The following RPL14 variants were observed in gnomAD, a reference collection of about 807,000 sequenced individuals.
The protein encoded by RPL14 is large ribosomal subunit protein eL14.
RPL14 carries 4 observed loss-of-function variants against 25.3 expected under a neutral mutation model. That is an observed-to-expected ratio of 0.16 (90% CI 0.08 to 0.36). RPL14 has a LOEUF of 0.36. Among genes scored for constraint, RPL14 ranks in the 10% least tolerant of loss-of-function variants. RPL14 has a pLI of 1.00. For missense variants in RPL14, 212 were observed against 261.9 expected, an observed-to-expected ratio of 0.81 and a Z score of 1.31; for synonymous variants, 75 against 89.8, an observed-to-expected ratio of 0.84 and a Z score of 0.93.
At chr3:40,458,098 C>G in intron 2 of RPL14, 107 bp downstream of exon 2, 1 of 926,908 alleles carries the variant, frequency 1.1e-6, no homozygotes, top group Non-Finnish European at 1.7e-6. Flanking sequence ...TATGGGTAGT[C>G]GCTTTATTTT....
In RPL14 at chr3:40,462,764, A is replaced by T. The variant is rs995841681; in HGVS notation, c.*532A>T. On this transcript the variant is annotated 3_prime_UTR_variant, in exon 6 of 6. Coordinates refer to ENST00000396203, the MANE Select transcript of RPL14 (RefSeq NM_001034996.3). Reference sequence around the variant, plus strand: ...CAGTCATAATTGATCATGTCATGAGAAATCATGATAACTTAGAACACCAAG... The same window carrying T: ...CAGTCATAATTGATCATGTCATGAGTAATCATGATAACTTAGAACACCAAG... 1.3e-5 allele frequency: 2 copies of T among 152,414 alleles called. No homozygotes were observed. Among genetic ancestry groups the T allele is most frequent in the Non-Finnish European group, 2.9e-5 (2 of 68,204 alleles). 9.4% of individuals were successfully genotyped at this position (152,414 alleles called of 1,614,324 possible).
rs149461206 is a variant in RPL14 at position 40,463,363 on chromosome 3, G to C, written c.*1131G>C. ...TGGGACTATAGGTGTGTGCCACCACGTCTGGCTAGTTTTTGTATTTTTAGT... is the reference window on the plus strand; with the variant it reads ...TGGGACTATAGGTGTGTGCCACCACCTCTGGCTAGTTTTTGTATTTTTAGT... On this transcript the variant is annotated 3_prime_UTR_variant, in exon 6 of 6. Transcript: ENST00000396203. 1 of 152,020 alleles carries C rather than the reference G, an allele frequency of 6.6e-6. No individual in the cohort carries two copies. The highest frequency in any genetic ancestry group is 1.5e-5 in the Non-Finnish European group (1 of 68,070). 9.4% of individuals were successfully genotyped at this position (152,020 alleles called of 1,614,324 possible). A position where few individuals can be genotyped will look rare whatever the true frequency, so the allele number is the denominator to read the frequency against.
At position 40,466,255 on chromosome 3, in the gene RPL14, G is replaced by C. The variant is rs1697026367; in HGVS notation, c.*4023G>C. On this transcript the variant is annotated 3_prime_UTR_variant, in exon 6 of 6. Coordinates refer to ENST00000396203, the MANE Select transcript of RPL14 (RefSeq NM_001034996.3). ...TCAGTCTGGTAGCATAGTGTGGATT[G>C]GGTTGGGGGATGGGGAAGGAGAGCA... The C allele has an allele frequency of 6.6e-6, 1 of 152,124 alleles. No homozygotes were observed. Among genetic ancestry groups the C allele is most frequent in the Admixed American group, 6.6e-5 (1 of 15,260 alleles). 9.4% of individuals were successfully genotyped at this position (152,124 alleles called of 1,614,324 possible).
At position 40,462,928 on chromosome 3, in the gene RPL14, TA is replaced by T. The variant is rs1575253116; in HGVS notation, c.*697del. On this transcript the variant is annotated 3_prime_UTR_variant, in exon 6 of 6. Coordinates refer to ENST00000396203, the MANE Select transcript of RPL14 (RefSeq NM_001034996.3). The stretch of plus-strand genomic sequence containing the variant: ...GTCTAGCAGATTTATTTTATTTATT[TA>T]TTTTTTTTTTTTGGAGACAGAGTCT... 1 of 151,630 alleles carries T rather than the reference TA, an allele frequency of 6.6e-6. No individual in the cohort carries two copies. Among genetic ancestry groups the T allele is most frequent in the South Asian group, 2.1e-4 (1 of 4,836 alleles). 9.4% of individuals were successfully genotyped at this position (151,630 alleles called of 1,614,324 possible). A position where few individuals can be genotyped will look rare whatever the true frequency, so the allele number is the denominator to read the frequency against.
chr3:40,458,359 G>A, intron 2 of RPL14: 2 of 522,552 alleles, frequency 3.8e-6, no homozygotes, highest in Middle Eastern at 5.2e-4. Context: ...AATCAGCAGG[G>A]ATCAGAGTCC....
chr3:40,459,085 T>C, intron 3 of RPL14: 1 of 269,480 alleles, frequency 3.7e-6, no homozygotes, highest in South Asian at 3.6e-5. Flanking sequence ...GCCTTGGGGG[T>C]GCTGAGTTGG....
In RPL14 at chr3:40,465,646, T is replaced by C. The variant is rs970032655; in HGVS notation, c.*3414T>C. On this transcript the variant is annotated 3_prime_UTR_variant, in exon 6 of 6. Coordinates refer to ENST00000396203, the MANE Select transcript of RPL14 (RefSeq NM_001034996.3). ...CAGACATACAGGTTGTAATTCCTTA[T>C]GGAGGAAAGGGGAGAGCACTTTTGT... 2.0e-5 allele frequency: 3 copies of C among 152,164 alleles called. No homozygotes were observed. Among genetic ancestry groups the C allele is most frequent in the South Asian group, 4.2e-4 (2 of 4,818 alleles). The allele number at this position is 152,164 out of a possible 1,614,324, so 9.4% of individuals were successfully genotyped here.
intron 3 of RPL14, among the ~76,000 whole-genome samples, chr3:40,460,299 A>G (rs1048607464): frequency 1.3e-5 from 2 of 151,946 alleles, no homozygotes; most frequent in Admixed American, 6.6e-5. Context: ...AGGCCAAGGC[A>G]GGTAGATAAC....
At chr3:40,459,183 CAAAAAT>C (rs1696891439) in intron 3 of RPL14, 1 of 153,838 alleles carries the variant, frequency 6.5e-6, no homozygotes, top group Non-Finnish European at 1.4e-5. Context: ...GACCCTGTCT[CAAAAAT>C]AAATAAATAA....
intron 5 of RPL14, 103 bp from the exon 6 acceptor site, chr3:40,461,836 T>C (rs1018339368): frequency 1.5e-6 from 2 of 1,351,342 alleles, no homozygotes; most frequent in African/African-American, 2.9e-5. Flanking sequence ...TCAGATGTAG[T>C]TGTAGGGAAA....
chr3:40,459,776 G>A (rs757045072), intron 3 of RPL14, among the ~76,000 whole-genome samples: 36 of 149,924 alleles, frequency 2.4e-4, no homozygotes, highest in Non-Finnish European at 4.0e-4. Flanking sequence ...GGAGAATGGC[G>A]TGAGCCCGGG....
Position 40,465,365 on chromosome 3 carries a change from A to G in RPL14, c.*3133A>G, listed in dbSNP as rs1697013983. On this transcript the variant is annotated 3_prime_UTR_variant, in exon 6 of 6. Coordinates refer to ENST00000396203, the MANE Select transcript of RPL14 (RefSeq NM_001034996.3). ...TGGGCATGTTCAAATGCTTCTGGGA[A>G]AGGAGCTAATAGGAGAGAAACTTAG... 1 of 152,162 alleles carries G rather than the reference A, an allele frequency of 6.6e-6. No homozygotes were observed. The highest frequency in any genetic ancestry group is 2.1e-4 in the South Asian group (1 of 4,828). The allele number at this position is 152,162 out of a possible 1,614,324, so 9.4% of individuals were successfully genotyped here. A position where few individuals can be genotyped will look rare whatever the true frequency, so the allele number is the denominator to read the frequency against.
chr3:40,457,844 G>C (rs1175702483), intron 1 of RPL14, 46 bp from the exon 2 acceptor site: 1 of 1,501,926 alleles, frequency 6.7e-7, no homozygotes, highest in Middle Eastern at 1.7e-4. Flanking sequence ...CATATGTAGC[G>C]AGTATTTCTA....
chr3:40,464,753 G>C lies in RPL14; in HGVS notation c.*2521G>C. On this transcript the variant is annotated 3_prime_UTR_variant, in exon 6 of 6. Coordinates refer to ENST00000396203, the MANE Select transcript of RPL14 (RefSeq NM_001034996.3). ...GTGGTAATGCCATTTAGGTGGTCTT[G>C]ATCATGCATTGGACTGCAGAAATAA... The C allele has an allele frequency of 3.4e-6, 1 of 298,412 alleles. No individual in the cohort carries two copies. Among genetic ancestry groups the C allele is most frequent in the African/African-American group, 2.2e-5 (1 of 46,322 alleles). The allele number at this position is 298,412 out of a possible 1,614,324, so 18.5% of individuals were successfully genotyped here. A position where few individuals can be genotyped will look rare whatever the true frequency, so the allele number is the denominator to read the frequency against.
chr3:40,464,377 G>C lies in RPL14; in HGVS notation c.*2145G>C. Reference sequence around the variant, plus strand: ...ATAGGCAAGTGGTATGGTGTAATAAGGAAAATATGGATGATTTCGGATTAC... The same window carrying C: ...ATAGGCAAGTGGTATGGTGTAATAACGAAAATATGGATGATTTCGGATTAC... On this transcript the variant is annotated 3_prime_UTR_variant, in exon 6 of 6. Coordinates refer to ENST00000396203, the MANE Select transcript of RPL14 (RefSeq NM_001034996.3). The C allele has an allele frequency of 2.2e-6, 1 of 444,586 alleles. No homozygotes were observed. Among genetic ancestry groups the C allele is most frequent in the Non-Finnish European group, 4.5e-6 (1 of 220,756 alleles). The allele number at this position is 444,586 out of a possible 1,614,324, so 27.5% of individuals were successfully genotyped here.
rs893302665 is a variant in RPL14 at position 40,464,704 on chromosome 3, T to A, written c.*2472T>A. On this transcript the variant is annotated 3_prime_UTR_variant, in exon 6 of 6. Coordinates refer to ENST00000396203, the MANE Select transcript of RPL14 (RefSeq NM_001034996.3). ...ATGCTCGGGTTGGCAGTATGAAGTT[T>A]GGCAGTAATCCAAGGAAGTGACAGT... 2.7e-5 allele frequency: 9 copies of A among 329,368 alleles called. No individual in the cohort carries two copies. Among genetic ancestry groups the A allele is most frequent in the African/African-American group, 1.9e-4 (9 of 46,726 alleles). The allele number at this position is 329,368 out of a possible 1,614,324, so 20.4% of individuals were successfully genotyped here.
At chr3:40,458,023 A>C (rs1382455446) in intron 2 of RPL14, 32 bp downstream of exon 2, 2 of 1,541,700 alleles carry the variant, frequency 1.3e-6, no homozygotes, top group Admixed American at 3.3e-5. Context: ...TAAACATGGC[A>C]GTGGACATGT....
In RPL14 at chr3:40,462,896, C is replaced by T. The variant is rs774637343; in HGVS notation, c.*664C>T. Reference sequence around the variant, plus strand: ...TAGGTAAAGTGACAGCCTCTTGATGCTCAAGAGTCTAGCAGATTTATTTTA... The same window carrying T: ...TAGGTAAAGTGACAGCCTCTTGATGTTCAAGAGTCTAGCAGATTTATTTTA... On this transcript the variant is annotated 3_prime_UTR_variant, in exon 6 of 6. Transcript: ENST00000396203. 1 of 152,068 alleles carries T rather than the reference C, an allele frequency of 6.6e-6. No individual in the cohort carries two copies. Among genetic ancestry groups the T allele is most frequent in the African/African-American group, 2.4e-5 (1 of 41,404 alleles). The allele number at this position is 152,068 out of a possible 1,614,324, so 9.4% of individuals were successfully genotyped here. A position where few individuals can be genotyped will look rare whatever the true frequency, so the allele number is the denominator to read the frequency against.
intron 2 of RPL14, 62 bp downstream of exon 2, chr3:40,458,053 T>C: frequency 1.5e-5 from 21 of 1,381,648 alleles, no homozygotes; most frequent in Non-Finnish European, 2.1e-5. Context: ...ATGGCAATAA[T>C]GAATTGTCTC....
Sources: gnomAD v4.1 joint callset for allele counts (sites outside exome capture counted in the v4.1 genomes callset) on GRCh38, gnomAD v4.1.1 for gene constraint, MANE v1.5 for transcripts, NCBI Gene and HGNC (gene_info 2026-07-23, HGNC 2026-07-21) for gene names.